KAZN: variants seen among roughly 807,000 people sequenced by gnomAD.
The protein encoded by KAZN is kazrin, periplakin interacting protein.
In KAZN, 40 loss-of-function variants were observed where a neutral mutation model predicts 87.4. The observed-to-expected ratio is 0.46, with a 90% CI of 0.36 to 0.60. The LOEUF (loss-of-function observed/expected upper bound fraction) is 0.60, where lower values mean the gene tolerates loss of function less well. KAZN is among the 20% of genes least tolerant of loss of function. The pLI is 0.00. For missense variants in KAZN, 898 were observed against 1,073.9 expected, an observed-to-expected ratio of 0.84 and a Z score of 2.29; for synonymous variants, 466 against 458.3, an observed-to-expected ratio of 1.02 and a Z score of -0.22.
At chr1:14,789,296 G>A (rs749299205) in intron 1 of KAZN, among the ~76,000 whole-genome samples, 2 of 147,082 alleles carry the variant, frequency 1.4e-5, no homozygotes, top group African/African-American at 2.6e-5. Flanking sequence ...AAGAACACAT[G>A]TGATTAAGTC....
At chr1:13,965,959 A>G (rs1641926958) in intron 1 of KAZN, among the ~76,000 whole-genome samples, 1 of 152,074 alleles carries the variant, frequency 6.6e-6, no homozygotes, top group African/African-American at 2.4e-5. Context: ...CCTGATTTAC[A>G]TGGTTATTGG....
At chr1:14,963,862 A>G (rs146415787) in intron 2 of KAZN, among the ~76,000 whole-genome samples, 2,833 of 152,032 alleles carry the variant, frequency 0.019, 38 homozygotes, top group Non-Finnish European at 0.029. Context: ...ACTCCCACTT[A>G]TGAGTGAGAA....
intron 2 of KAZN, among the ~76,000 whole-genome samples, chr1:14,329,755 A>C (rs1489130436): frequency 6.6e-6 from 1 of 152,182 alleles, no homozygotes; most frequent in East Asian, 1.9e-4. Context: ...CTTCTCCATA[A>C]GTCAAAGGAT....
chr1:14,924,539 C>T (rs1379398220), intron 1 of KAZN: 7 of 1,009,470 alleles, frequency 6.9e-6, no homozygotes, highest in Admixed American at 1.2e-4. Context: ...CGGGGTTCCC[C>T]GGGTCCGAGC....
At chr1:14,924,061 G>A (rs1410572338) in intron 1 of KAZN, 1 of 936,040 alleles carries the variant, frequency 1.1e-6, no homozygotes, top group African/African-American at 1.8e-5. Flanking sequence ...GCGGGGGCGG[G>A]GCGGGGGCGG....
intron 2 of KAZN, among the ~76,000 whole-genome samples, chr1:14,525,887 C>T (rs1369139171): frequency 6.6e-6 from 1 of 152,222 alleles, no homozygotes; most frequent in East Asian, 1.9e-4. Flanking sequence ...TTTCCTATCT[C>T]AGCTAAGAAG....
intron 1 of KAZN, among the ~76,000 whole-genome samples, chr1:14,681,848 C>T (rs1157038161): frequency 1.3e-5 from 2 of 149,196 alleles, no homozygotes; most frequent in Non-Finnish European, 3.0e-5. Flanking sequence ...CCCGCCACCA[C>T]ACCCAGCTAA....
intron 1 of KAZN, among the ~76,000 whole-genome samples, chr1:14,859,204 C>G (rs1479720115): frequency 6.7e-6 from 1 of 149,998 alleles, no homozygotes; most frequent in Non-Finnish European, 1.5e-5. Context: ...GAGCGAGACC[C>G]CGTCTCAAAA....
rs1024213739 is a variant in KAZN, at chr1:14,815,362, G to T, written c.227-145322G>T. ...CCTCTGACCCCCCTAAGAGTGCTGA[G>T]AAGGTTAAATAAACACTAGACTTAA... is the stretch of plus-strand genomic sequence containing the variant. On this transcript the variant is annotated intron_variant, in intron 1 of 14. Coordinates refer to ENST00000376030, the MANE Select transcript of KAZN (RefSeq NM_201628.3). Among the ~76,000 whole-genome samples the T allele has an allele frequency of 9.2e-5, 14 of 152,178 alleles. No individual in the cohort carries two copies. In the South Asian group the frequency reaches 1.0e-3, roughly 11 times the overall value.
chr1:14,494,929 A>C (rs1172666927), intron 2 of KAZN, among the ~76,000 whole-genome samples: 1 of 152,186 alleles, frequency 6.6e-6, no homozygotes, highest in Admixed American at 6.5e-5. Flanking sequence ...AACTTCCCCC[A>C]CAGCTGACCC....
intron 2 of KAZN, among the ~76,000 whole-genome samples, chr1:14,240,623 G>C (rs1277261119): frequency 6.6e-6 from 1 of 152,178 alleles, no homozygotes; most frequent in East Asian, 1.9e-4. Flanking sequence ...TCTGGGACCT[G>C]CTTATCAGCA....
At chr1:14,489,116 T>C (rs1410883877) in intron 2 of KAZN, among the ~76,000 whole-genome samples, 1 of 152,210 alleles carries the variant, frequency 6.6e-6, no homozygotes, top group Non-Finnish European at 1.5e-5. Context: ...GTTTTCGTCT[T>C]TTTAAAAATA....
chr1:15,063,714 C>T (rs1638992089), intron 7 of KAZN, 92 bp downstream of exon 7: 3 of 1,051,970 alleles, frequency 2.9e-6, no homozygotes, highest in East Asian at 2.5e-5. Flanking sequence ...ACATCCATGC[C>T]GCACACCCAA....
intron 2 of KAZN, among the ~76,000 whole-genome samples, chr1:14,333,457 C>T (rs1430391256): frequency 6.6e-6 from 1 of 152,160 alleles, no homozygotes; most frequent in South Asian, 2.1e-4. Flanking sequence ...CTTCAGGGCC[C>T]TGGTGCAAGA....
chr1:14,419,356 C>T lies in KAZN; in HGVS notation c.250-179627C>T, dbSNP rs1410719824. 2.6e-5 allele frequency among the ~76,000 whole-genome samples: 4 copies of T among 152,264 alleles called. No homozygotes were observed. In the South Asian group the frequency reaches 6.2e-4, roughly 24 times the overall value. On this transcript the variant is annotated intron_variant, in intron 2 of 16. Transcript: ENST00000636203. ...ACGTCCGTGATCTTTCCACCCTGCC[C>T]GGCCATCCCCATCTATCTCATTGCC...
chr1:15,041,866 G>A (rs1672967980), intron 3 of KAZN, among the ~76,000 whole-genome samples: 1 of 152,100 alleles, frequency 6.6e-6, no homozygotes, highest in East Asian at 1.9e-4. Context: ...CTGTCTATGA[G>A]CTGGCGAAGT....
intron 2 of KAZN, among the ~76,000 whole-genome samples, chr1:14,457,154 C>G (rs1667609841): frequency 1.3e-5 from 2 of 152,196 alleles, no homozygotes; most frequent in South Asian, 4.1e-4. Context: ...AAGGCTTCCA[C>G]AAAGTGGTTC....
intron 1 of KAZN, among the ~76,000 whole-genome samples, chr1:13,982,882 C>A (rs987174416): frequency 6.6e-6 from 1 of 152,004 alleles, no homozygotes; most frequent in African/African-American, 2.4e-5. Flanking sequence ...ATTTACAATC[C>A]CTGAGCTAGA....
At chr1:14,936,431 T>C (rs187936548) in intron 1 of KAZN, among the ~76,000 whole-genome samples, 1 of 152,296 alleles carries the variant, frequency 6.6e-6, no homozygotes, top group Admixed American at 6.5e-5. Flanking sequence ...ACTTTCTTGG[T>C]TCTAGCACTG....
Sources: allele counts gnomAD v4.1 joint callset (sites outside exome capture counted in the v4.1 genomes callset), GRCh38; gene constraint gnomAD v4.1.1; transcripts MANE v1.5; gene names NCBI Gene and HGNC (gene_info 2026-07-23, HGNC 2026-07-21).